The following GPHN variants were observed in gnomAD, a reference collection of about 807,000 sequenced individuals.
GPHN encodes gephyrin.
Under a neutral mutation model 95.5 loss-of-function variants are expected in GPHN, and 17 were observed. The observed-to-expected ratio is 0.18, with a 90% CI of 0.12 to 0.27. The LOEUF is 0.27. Ranked by LOEUF, GPHN falls within the 10% of genes least tolerant of loss-of-function variation. The pLI, the probability that GPHN is intolerant of heterozygous loss-of-function variation, is 1.00. For missense variants in GPHN, 660 were observed against 978.1 expected (o/e 0.67, Z 4.34); for synonymous variants, 320 against 322.5 (o/e 0.99, Z 0.08).
At chr14:67,388,930 C>G in the GPHN span, among the ~76,000 whole-genome samples, 7 of 152,046 alleles carry the variant, frequency 4.6e-5, no homozygotes, top group Non-Finnish European at 1.0e-4. Context: ...CTGCCCTCCT[C>G]AGCCTCCCAA....
chr14:66,773,412 G>A (rs1332539258), intron 2 of GPHN, among the ~76,000 whole-genome samples: 1 of 142,498 alleles, frequency 7.0e-6, no homozygotes, highest in Non-Finnish European at 1.5e-5. Context: ...GGGTTTCAAT[G>A]GCGCAATCTC....
At chr14:67,570,345 T>C in the GPHN span, 1 of 1,009,092 alleles carries the variant, frequency 9.9e-7, no homozygotes, top group Non-Finnish European at 1.2e-6. Flanking sequence ...TGAGGTATAT[T>C]CCAACTTATA....
intron 1 of GPHN, among the ~76,000 whole-genome samples, chr14:66,667,934 T>C (rs1198360997): frequency 2.0e-5 from 3 of 152,144 alleles, no homozygotes; most frequent in Non-Finnish European, 4.4e-5. Context: ...GGAACTTAAA[T>C]ACATTTAGAA....
chr14:67,019,751 C>G (rs998829906), intron 9 of GPHN, among the ~76,000 whole-genome samples: 3 of 152,104 alleles, frequency 2.0e-5, no homozygotes, highest in African/African-American at 7.2e-5. Flanking sequence ...CCTGACATCG[C>G]AGGGAACGGT....
At chr14:67,027,382 A>G (rs1002172743) in intron 10 of GPHN, among the ~76,000 whole-genome samples, 2 of 151,818 alleles carry the variant, frequency 1.3e-5, no homozygotes, top group African/African-American at 4.8e-5. Context: ...CCAGGATGGA[A>G]TGCAGTGGCA....
chr14:66,561,138 G>A (rs1222556553), intron 1 of GPHN, among the ~76,000 whole-genome samples: 1 of 152,104 alleles, frequency 6.6e-6, no homozygotes, highest in Non-Finnish European at 1.5e-5. Flanking sequence ...GCTGGATTCG[G>A]TTTGCCAGTA....
intron 1 of GPHN, among the ~76,000 whole-genome samples, chr14:66,575,225 T>C (rs28818557): frequency 2.0e-5 from 3 of 152,112 alleles, no homozygotes; most frequent in African/African-American, 7.2e-5. Flanking sequence ...AGATTTTTTT[T>C]CCCTCTCACT....
intron 8 of GPHN, among the ~76,000 whole-genome samples, chr14:66,962,978 T>C (rs1005979191): frequency 7.2e-5 from 11 of 151,986 alleles, no homozygotes; most frequent in Non-Finnish European, 1.5e-4. Flanking sequence ...GGTTACCCCA[T>C]ACATCCTTAT....
intron 10 of GPHN, among the ~76,000 whole-genome samples, chr14:67,046,189 T>C (rs2075006961): frequency 6.6e-6 from 1 of 152,100 alleles, no homozygotes; most frequent in Non-Finnish European, 1.5e-5. Flanking sequence ...CTAATTTATG[T>C]TGATGATAAA....
the GPHN span, among the ~76,000 whole-genome samples, chr14:67,234,040 T>TA: frequency 2.0e-5 from 3 of 152,204 alleles, no homozygotes; most frequent in African/African-American, 7.2e-5. Context: ...GACAAACAGT[T>TA]AATACATACT....
At chr14:67,734,776 T>A in the GPHN span, among the ~76,000 whole-genome samples, 2 of 152,210 alleles carry the variant, frequency 1.3e-5, no homozygotes, top group Non-Finnish European at 2.9e-5. Flanking sequence ...ACGGAGACAC[T>A]CTTCCCCTTG....
chr14:67,429,145 G>C, the GPHN span, among the ~76,000 whole-genome samples: 5 of 151,896 alleles, frequency 3.3e-5, no homozygotes, highest in African/African-American at 9.7e-5. Context: ...GGATCATTGT[G>C]TTAATAACAA....
chr14:67,587,410 A>G, the GPHN span: 1 of 694,932 alleles, frequency 1.4e-6, no homozygotes, highest in Non-Finnish European at 2.4e-6. Context: ...ATAATGTTTC[A>G]GGGCTCAACT....
chr14:67,597,254 G>A, the GPHN span, among the ~76,000 whole-genome samples: 63,922 of 152,238 alleles, frequency 0.42, 15,487 homozygotes, highest in Non-Finnish European at 0.56. Context: ...AACATGGGGG[G>A]ATCGCTTGAG....
At chr14:67,713,673 A>C in the GPHN span, among the ~76,000 whole-genome samples, 1 of 152,332 alleles carries the variant, frequency 6.6e-6, no homozygotes, top group East Asian at 1.9e-4. Flanking sequence ...TAATTTGTAA[A>C]GTTTATTTTG....
chr14:66,935,419 A>T (rs2067060008), intron 8 of GPHN, among the ~76,000 whole-genome samples: 2 of 151,246 alleles, frequency 1.3e-5, no homozygotes, highest in South Asian at 4.1e-4. Flanking sequence ...ATTTTTATCC[A>T]TATCATTTGT....
chr14:67,337,502 G>A, the GPHN span: 2 of 150,274 alleles, frequency 1.3e-5, no homozygotes, highest in East Asian at 1.9e-4. Flanking sequence ...TACAGAATGA[G>A]TGAGACTCTG....
the GPHN span, among the ~76,000 whole-genome samples, chr14:67,268,276 G>T: frequency 6.6e-6 from 1 of 152,034 alleles, no homozygotes; most frequent in African/African-American, 2.4e-5. Context: ...TTATTTCATT[G>T]TGTATTTTTT....
intron 5 of GPHN, among the ~76,000 whole-genome samples, chr14:66,901,999 A>G (rs2065148075): frequency 6.6e-6 from 1 of 152,010 alleles, no homozygotes; most frequent in Admixed American, 6.6e-5. Flanking sequence ...TCTTCCTATC[A>G]TGAGCATAGA....
Sources: allele counts gnomAD v4.1 joint callset (sites outside exome capture counted in the v4.1 genomes callset), GRCh38; gene constraint gnomAD v4.1.1; transcripts MANE v1.5; gene names NCBI Gene and HGNC (gene_info 2026-07-23, HGNC 2026-07-21).